CHRM5: variants seen among roughly 807,000 people sequenced by gnomAD.
CHRM5 encodes muscarinic acetylcholine receptor M5.
In CHRM5, 18 loss-of-function variants were observed where a neutral mutation model predicts 39.0. That is an observed-to-expected ratio of 0.46 (90% CI 0.32 to 0.68). The LOEUF is 0.68. Ranked by LOEUF, CHRM5 falls within the 30% of genes least tolerant of loss-of-function variation. CHRM5 has a pLI of 0.04. For missense variants in CHRM5, 515 were observed against 651.1 expected (o/e 0.79, Z 2.28); for synonymous variants, 241 against 246.3 (o/e 0.98, Z 0.20).
chr15:34,043,710 A>G (rs140955885), intron 1 of CHRM5, among the ~76,000 whole-genome samples: 3 of 152,332 alleles, frequency 2.0e-5, no homozygotes, highest in African/African-American at 4.8e-5. Context: ...AAATGCATGG[A>G]GCAAACTCCC....
chr15:34,006,631 G>C (rs1897356587), intron 1 of CHRM5, among the ~76,000 whole-genome samples: 1 of 152,166 alleles, frequency 6.6e-6, no homozygotes, highest in South Asian at 2.1e-4. Context: ...CCGAATTAAT[G>C]GTCCTGCCAA....
At position 34,001,745 on chromosome 15, in the gene CHRM5, T is replaced by C. The variant is rs74736544; in HGVS notation, c.-408+32595T>C. Among the ~76,000 whole-genome samples, 1,504 of 152,338 alleles carry C rather than the reference T, an allele frequency of 9.9e-3. 24 individuals carry two copies. Among genetic ancestry groups the C allele is most frequent in the Admixed American group, 0.044 (679 of 15,306 alleles). The stretch of plus-strand genomic sequence containing the variant: ...CCTGTGCTCCTGACTCACAATTTTA[T>C]GATCTACTTCTTTCCTGCTCGGAAA... On this transcript the variant is annotated intron_variant, in intron 1 of 2. Transcript: ENST00000383263.
At chr15:34,056,477 T>C (rs1900155169) in intron 2 of CHRM5, among the ~76,000 whole-genome samples, 1 of 152,248 alleles carries the variant, frequency 6.6e-6, no homozygotes. Flanking sequence ...AATTAAGTAA[T>C]GTTCTCTACT....
At chr15:33,990,063 G>A (rs929663499) in intron 1 of CHRM5, among the ~76,000 whole-genome samples, 13 of 152,006 alleles carry the variant, frequency 8.6e-5, no homozygotes, top group Non-Finnish European at 1.8e-4. Context: ...AATTAGCCGG[G>A]CGTGGTGGTG....
rs899106622 is a variant in CHRM5, at chr15:34,024,452, A to C, written c.-407-22088A>C. Among the ~76,000 whole-genome samples the C allele has an allele frequency of 2.1e-4, 30 of 143,036 alleles. 2 individuals are homozygous for C. Among genetic ancestry groups the C allele is most frequent in the Admixed American group, 1.2e-3 (17 of 13,660 alleles). 93.8% of individuals were successfully genotyped at this position (143,036 alleles called of 152,430 possible). ...TGCACCACTGCCCTCCAGCCTGGGC[A>C]ACAGAATGAGACCCTGTCTCAAAAA... is the stretch of plus-strand genomic sequence containing the variant. On this transcript the variant is annotated intron_variant, in intron 1 of 2. Transcript: ENST00000383263.
At chr15:34,060,513 A>G (rs1487078032) in intron 2 of CHRM5, among the ~76,000 whole-genome samples, 3 of 152,210 alleles carry the variant, frequency 2.0e-5, no homozygotes, top group Non-Finnish European at 2.9e-5. Flanking sequence ...AAGTGTCAAG[A>G]CTGGCCATAG....
chr15:34,049,749 G>T (rs1421568116), intron 2 of CHRM5, among the ~76,000 whole-genome samples: 3 of 151,716 alleles, frequency 2.0e-5, no homozygotes, highest in Admixed American at 2.0e-4. Context: ...CTCCAACGTT[G>T]AAATGAAAGA....
chr15:34,029,200 G>A (rs199873186), intron 1 of CHRM5, among the ~76,000 whole-genome samples: 11 of 151,972 alleles, frequency 7.2e-5, no homozygotes, highest in South Asian at 4.2e-4. Flanking sequence ...CCCCACCACC[G>A]CCACTGCCAA....
At chr15:34,046,166 A>C (rs535335227) in intron 1 of CHRM5, among the ~76,000 whole-genome samples, 1 of 152,334 alleles carries the variant, frequency 6.6e-6, no homozygotes, top group South Asian at 2.1e-4. Flanking sequence ...TGATTTAAGA[A>C]GTTTATTGTG....
intron 1 of CHRM5, among the ~76,000 whole-genome samples, chr15:33,994,565 G>C (rs964123442): frequency 2.6e-5 from 4 of 152,182 alleles, no homozygotes; most frequent in African/African-American, 7.2e-5. Context: ...GTGCCAAAAA[G>C]GTTGGGGACC....
intron 1 of CHRM5, among the ~76,000 whole-genome samples, chr15:33,975,213 T>C (rs908830030): frequency 6.6e-5 from 10 of 152,214 alleles, no homozygotes; most frequent in Admixed American, 1.3e-4. Context: ...TTTGTTGTAA[T>C]TGTTCTGCCA....
chr15:34,012,193 C>A (rs1263918434), intron 1 of CHRM5, among the ~76,000 whole-genome samples: 5 of 152,258 alleles, frequency 3.3e-5, no homozygotes, highest in African/African-American at 4.8e-5. Flanking sequence ...ATTAAATGGT[C>A]CTATATAAAG....
rs1207982143 is a variant in CHRM5 at position 34,066,409 on chromosome 15, A to G, written c.*2093A>G. 1 of 152,288 alleles carries G rather than the reference A, an allele frequency of 6.6e-6. No homozygotes were observed. The highest frequency in any genetic ancestry group is 1.9e-4 in the East Asian group (1 of 5,198). The allele number at this position is 152,288 out of a possible 1,614,324, so 9.4% of individuals were successfully genotyped here. On this transcript the variant is annotated 3_prime_UTR_variant, in exon 3 of 3. Transcript: ENST00000383263. ...GAGAGTGAAACAAGCTAATTTAAACAAAAGAACACAAATCGGGAAAGGATG... is the reference window on the plus strand; with the variant it reads ...GAGAGTGAAACAAGCTAATTTAAACGAAAGAACACAAATCGGGAAAGGATG...
At position 34,066,136 on chromosome 15, in the gene CHRM5, G is replaced by A. The variant is rs1323067523; in HGVS notation, c.*1820G>A. The A allele has an allele frequency of 1.3e-5, 2 of 152,214 alleles. No individual in the cohort carries two copies. The allele number at this position is 152,214 out of a possible 1,614,324, so 9.4% of individuals were successfully genotyped here. A position where few individuals can be genotyped will look rare whatever the true frequency, so the allele number is the denominator to read the frequency against. ...ATCTTGTAAGCAGTGCATCTGCTGA[G>A]CCTTTGTAAAGGGCAGGTTGACACC... On this transcript the variant is annotated 3_prime_UTR_variant, in exon 3 of 3. Coordinates refer to ENST00000383263, the MANE Select transcript of CHRM5 (RefSeq NM_012125.4).
chr15:34,029,038 C>G (rs1038591339), intron 1 of CHRM5, among the ~76,000 whole-genome samples: 2 of 152,122 alleles, frequency 1.3e-5, no homozygotes, highest in Admixed American at 6.5e-5. Context: ...CACAACTCTT[C>G]ACCTCTAATC....
chr15:34,019,793 G>C (rs993974797), intron 1 of CHRM5, among the ~76,000 whole-genome samples: 1 of 152,120 alleles, frequency 6.6e-6, no homozygotes, highest in Non-Finnish European at 1.5e-5. Flanking sequence ...CACCATCTAG[G>C]TTTATGTAAG....
At chr15:34,019,345 T>C (rs1477086600) in intron 1 of CHRM5, among the ~76,000 whole-genome samples, 5 of 152,256 alleles carry the variant, frequency 3.3e-5, no homozygotes, top group African/African-American at 4.8e-5. Flanking sequence ...AATGTGTTTG[T>C]TTTAAGCTAA....
intron 2 of CHRM5, among the ~76,000 whole-genome samples, chr15:34,060,405 A>G (rs1016982891): frequency 2.0e-5 from 3 of 152,194 alleles, no homozygotes; most frequent in African/African-American, 7.2e-5. Context: ...AGGTGTTATG[A>G]AAACACCCAA....
chr15:34,045,038 ACT>A (rs965227988), intron 1 of CHRM5, among the ~76,000 whole-genome samples: 2 of 152,128 alleles, frequency 1.3e-5, no homozygotes, highest in African/African-American at 2.4e-5. Flanking sequence ...ACAGAGCGAG[ACT>A]CTGTCTCAAA....
Sources: allele counts gnomAD v4.1 joint callset (sites outside exome capture counted in the v4.1 genomes callset), GRCh38; gene constraint gnomAD v4.1.1; transcripts MANE v1.5; gene names NCBI Gene and HGNC (gene_info 2026-07-23, HGNC 2026-07-21).